Variants in UGT1A10 observed in about 807,000 individuals in gnomAD.
The protein encoded by UGT1A10 is UDP-glucuronosyltransferase 1A10.
A neutral mutation model predicts 45.8 loss-of-function variants in UGT1A10; 49 were observed. That is an observed-to-expected ratio of 1.07 (90% CI 0.85 to 1.36). The LOEUF (loss-of-function observed/expected upper bound fraction) is 1.36. Ranked by LOEUF, UGT1A10 falls within the 40% of genes most tolerant of loss-of-function variation. UGT1A10 has a pLI of 0.00. For missense variants in UGT1A10, 745 were observed against 668.6 expected, an observed-to-expected ratio of 1.11 and a Z score of -1.26; for synonymous variants, 284 against 249.7, an observed-to-expected ratio of 1.14 and a Z score of -1.29.
At chr2:233,666,972 C>G (rs2074091790) in intron 1 of UGT1A10, among the ~76,000 whole-genome samples, 1 of 152,146 alleles carries the variant, frequency 6.6e-6, no homozygotes, top group South Asian at 2.1e-4. Flanking sequence ...CTACAATGGA[C>G]ATGAACTCAT....
chr2:233,768,116 A>G, intron 3 of UGT1A10, 104 bp from the exon 4 acceptor site: 1 of 1,599,724 alleles, frequency 6.3e-7, no homozygotes, highest in Non-Finnish European at 8.5e-7. Context: ...CTGCAAGGGC[A>G]TGTGAGTAAC....
At chr2:233,667,693 C>G (rs185598816) in intron 1 of UGT1A10, among the ~76,000 whole-genome samples, 78 of 152,248 alleles carry the variant, frequency 5.1e-4, no homozygotes, top group African/African-American at 1.8e-3. Flanking sequence ...AAGAAAAAAT[C>G]AAACAGCCCC....
chr2:233,771,968 G>A (rs942006859), intron 4 of UGT1A10, among the ~76,000 whole-genome samples: 1 of 152,094 alleles, frequency 6.6e-6, no homozygotes, highest in Non-Finnish European at 1.5e-5. Context: ...TTTAAAAATT[G>A]GCCAGACATA....
intron 1 of UGT1A10, among the ~76,000 whole-genome samples, chr2:233,651,516 G>T (rs1419258674): frequency 6.6e-6 from 1 of 152,128 alleles, no homozygotes; most frequent in Non-Finnish European, 1.5e-5. Flanking sequence ...ATATCTTTAT[G>T]AATTATAATA....
At chr2:233,671,369 G>C (rs1184324024) in intron 1 of UGT1A10, among the ~76,000 whole-genome samples, 1 of 152,160 alleles carries the variant, frequency 6.6e-6, no homozygotes, top group Non-Finnish European at 1.5e-5. Context: ...CATTTTAGAG[G>C]CTTCTCAGGG....
rs28899184 is a variant in UGT1A10 at position 233,714,555 on chromosome 2, A to T, written c.856-52479A>T. Among the ~76,000 whole-genome samples the T allele has an allele frequency of 4.8e-3, 733 of 152,370 alleles. 10 individuals carry two copies. Among genetic ancestry groups the T allele is most frequent in the African/African-American group, 0.017 (698 of 41,588 alleles). ...TCTAATACCGAAGTGTCCAATAGAA[A>T]TATCATGTAAACCACATACATAATT... On this transcript the variant is annotated intron_variant, in intron 1 of 4. Transcript: ENST00000344644.
chr2:233,705,074 TG>T (rs1342068757), intron 1 of UGT1A10, among the ~76,000 whole-genome samples: 1 of 151,140 alleles, frequency 6.6e-6, no homozygotes, highest in East Asian at 1.9e-4. Flanking sequence ...AGGCGGAGGT[TG>T]CAGAGAGCCA....
intron 1 of UGT1A10, among the ~76,000 whole-genome samples, chr2:233,665,166 A>G (rs2074047561): frequency 6.6e-6 from 1 of 152,222 alleles, no homozygotes; most frequent in African/African-American, 2.4e-5. Flanking sequence ...TTGCCAATAA[A>G]TTATAGACAT....
At chr2:233,645,337 A>T (rs759041120) in intron 1 of UGT1A10, among the ~76,000 whole-genome samples, 15 of 152,188 alleles carry the variant, frequency 9.9e-5, no homozygotes, top group African/African-American at 3.6e-4. Flanking sequence ...GCCAAACCAT[A>T]TGATTCCACC....
chr2:233,693,990 T>TA, intron 1 of UGT1A10: 1 of 1,534,128 alleles, frequency 6.5e-7, no homozygotes, highest in African/African-American at 1.4e-5. Context: ...GGGGAAGTGA[T>TA]ACCCGGCTCG....
At chr2:233,686,570 G>A (rs1027526190) in intron 1 of UGT1A10, among the ~76,000 whole-genome samples, 18 of 152,112 alleles carry the variant, frequency 1.2e-4, no homozygotes, top group African/African-American at 4.3e-4. Flanking sequence ...GGTTTCAGAA[G>A]TTAGTGTGGA....
chr2:233,761,696 T>G (rs1228722840), intron 1 of UGT1A10, among the ~76,000 whole-genome samples: 1 of 152,214 alleles, frequency 6.6e-6, no homozygotes, highest in East Asian at 1.9e-4. Context: ...TACAGAAAGG[T>G]TGTAGGTTTC....
Position 233,636,591 on chromosome 2 carries a change from C to A in UGT1A10, c.69C>A (p.Ala23=), listed in dbSNP as rs538561016. Residue 23 remains alanine (A), a synonymous_variant, in exon 1 of 5, where the codon GCC becomes GCA. Transcript: ENST00000344644. The stretch of plus-strand genomic sequence containing the variant: ...GTCTACTGCTGACCTGTGGCTTTGC[C>A]GAGGCAGGGAAGCTGCTGGTAGTGC... The part of the protein sequence containing the change: ...CVCLLLTCGF[A]EAGKLLVVPM... 6.2e-7 allele frequency: 1 copy of A among 1,614,056 alleles called. No individual in the cohort carries two copies. The highest frequency in any genetic ancestry group is 2.2e-5 in the East Asian group (1 of 44,880).
At chr2:233,687,583 TAAAA>T (rs71398794) in intron 1 of UGT1A10, among the ~76,000 whole-genome samples, 44,818 of 106,436 alleles carry the variant, frequency 0.42, 7,818 homozygotes, top group Middle Eastern at 0.48. Flanking sequence ...ACATTCTTTG[TAAAA>T]AAAAAAAAAA....
In UGT1A10 at chr2:233,703,202, A is replaced by G. The variant is rs1415439812; in HGVS notation, c.856-63832A>G. ...TTTGTTTCTTTCTAGGAATTTGTCA[A>G]TTTTATCTAAGTTATCTAATTCCTT... is the stretch of plus-strand genomic sequence containing the variant. On this transcript the variant is annotated intron_variant, in intron 1 of 4. Coordinates refer to ENST00000344644, the MANE Select transcript of UGT1A10 (RefSeq NM_019075.4). Among the ~76,000 whole-genome samples, 6 of 152,168 alleles carry G rather than the reference A, an allele frequency of 3.9e-5. No individual in the cohort carries two copies. In the East Asian group the frequency reaches 5.8e-4, roughly 15 times the overall value.
chr2:233,710,344 G>A (rs1349376826), intron 1 of UGT1A10, among the ~76,000 whole-genome samples: 2 of 152,226 alleles, frequency 1.3e-5, no homozygotes, highest in African/African-American at 2.4e-5. Context: ...CAGTCGAACT[G>A]TTTCCAAAGC....
chr2:233,762,888 C>T (rs986387218), intron 1 of UGT1A10, among the ~76,000 whole-genome samples: 1 of 152,086 alleles, frequency 6.6e-6, no homozygotes, highest in African/African-American at 2.4e-5. Context: ...TTATAAATTC[C>T]ATGCCAAATA....
intron 1 of UGT1A10, among the ~76,000 whole-genome samples, chr2:233,720,881 T>C (rs1341261377): frequency 6.6e-6 from 1 of 150,882 alleles, no homozygotes; most frequent in Non-Finnish European, 1.5e-5. Flanking sequence ...ATTTTTTTTT[T>C]TTTTTTTTTA....
At chr2:233,653,389 A>G (rs115552883) in intron 1 of UGT1A10, among the ~76,000 whole-genome samples, 1 of 152,320 alleles carries the variant, frequency 6.6e-6, no homozygotes, top group African/African-American at 2.4e-5. Context: ...GAGAAGATGA[A>G]TCATATTCTT....
Sources: allele counts gnomAD v4.1 joint callset (sites outside exome capture counted in the v4.1 genomes callset), GRCh38; gene constraint gnomAD v4.1.1; transcripts MANE v1.5; gene names NCBI Gene and HGNC (gene_info 2026-07-23, HGNC 2026-07-21).